Variants in USP33 observed in about 807,000 individuals in gnomAD.
USP33 encodes the protein ubiquitin carboxyl-terminal hydrolase 33.
USP33 carries 46 observed loss-of-function variants against 124.2 expected under a neutral mutation model. The observed-to-expected ratio is 0.37, with a 90% confidence interval of 0.29 to 0.47. The LOEUF (loss-of-function observed/expected upper bound fraction) is 0.47. USP33 is among the 20% of genes least tolerant of loss of function. The pLI is 0.99. For synonymous variants in USP33, 350 were observed against 352.3 expected (o/e 0.99, Z 0.07); for missense variants, 851 against 1,070.6 (o/e 0.79, Z 2.86).
chr1:77,737,977 T>C (rs139657604), intron 5 of USP33, among the ~76,000 whole-genome samples: 1 of 152,204 alleles, frequency 6.6e-6, no homozygotes, highest in Non-Finnish European at 1.5e-5. Context: ...TGTAAGAGGA[T>C]TCAACGAAAC....
At chr1:77,726,275 T>A (rs957385672) in intron 10 of USP33, among the ~76,000 whole-genome samples, 3 of 151,462 alleles carry the variant, frequency 2.0e-5, no homozygotes, top group African/African-American at 7.3e-5. Context: ...AACACACGAC[T>A]ATTACAGGCA....
At chr1:77,730,021 G>A in intron 8 of USP33, 83 bp from the exon 9 acceptor site, 1 of 1,244,882 alleles carries the variant, frequency 8.0e-7, no homozygotes, top group South Asian at 1.4e-5. Context: ...AATTCAAAGT[G>A]TTAAATAAAT....
At chr1:77,758,641 A>T (rs377402537) in intron 1 of USP33, among the ~76,000 whole-genome samples, 1 of 152,318 alleles carries the variant, frequency 6.6e-6, no homozygotes, top group East Asian at 1.9e-4. Flanking sequence ...ATTATGCTCA[A>T]ATCAAATAGC....
At chr1:77,704,484 G>A (rs530628339) in intron 21 of USP33, among the ~76,000 whole-genome samples, 7 of 152,140 alleles carry the variant, frequency 4.6e-5, no homozygotes, top group African/African-American at 4.8e-5. Context: ...TTAGGTAGGC[G>A]CTTTTTAAAA....
At chr1:77,743,989 T>C (rs1312090802) in intron 1 of USP33, among the ~76,000 whole-genome samples, 2 of 151,992 alleles carry the variant, frequency 1.3e-5, no homozygotes, top group African/African-American at 4.8e-5. Context: ...CTGGGCGTGG[T>C]GGTGTGCACC....
chr1:77,736,187 G>C (rs1324524925), intron 5 of USP33, 29 bp from the exon 6 acceptor site: 16 of 1,466,368 alleles, frequency 1.1e-5, no homozygotes, highest in African/African-American at 1.4e-5. Context: ...TAGCACACTT[G>C]AACAAATCCT....
rs1207958128 is a variant in USP33, at chr1:77,701,364, C to T, written c.2509+5G>A. On this transcript the variant is annotated splice_donor_5th_base_variant and intron_variant, in intron 22 of 23. Transcript: ENST00000370794. ...CAAAAAAAAATTTTTCAGTCAACCA[C>T]TTACCTCCATCTTTACCCTTCACAA... 6.3e-7 allele frequency: 1 copy of T among 1,588,038 alleles called. No homozygotes were observed. Among genetic ancestry groups the T allele is most frequent in the African/African-American group, 1.4e-5 (1 of 73,016 alleles).
Position 77,714,723 on chromosome 1 carries a change from C to T in USP33, c.2106G>A (p.Met702Ile). 6.2e-7 allele frequency: 1 copy of T among 1,612,822 alleles called. No homozygotes were observed. The highest frequency in any genetic ancestry group is 1.1e-5 in the South Asian group (1 of 90,998). ...RRRISNLLNI[M>I]EPSLLQFYIS... ...TATAAAACTGAAGGAGGCTTGGTTCCATTATGTTCAATAAATTTGATATCC... is the reference window on the plus strand; with the variant it reads ...TATAAAACTGAAGGAGGCTTGGTTCTATTATGTTCAATAAATTTGATATCC... Residue 702 changes from methionine (M) to isoleucine (I), a missense_variant, in exon 19 of 24, where the codon ATG becomes ATA. Transcript: ENST00000370794.
At chr1:77,733,381 A>G (rs1678065960) in intron 7 of USP33, among the ~76,000 whole-genome samples, 2 of 151,186 alleles carry the variant, frequency 1.3e-5, no homozygotes, top group Non-Finnish European at 2.9e-5. Flanking sequence ...CAACAGAGTG[A>G]GACCCAGCCT....
At chr1:77,706,070 C>A (rs562581813) in intron 21 of USP33, among the ~76,000 whole-genome samples, 44 of 152,256 alleles carry the variant, frequency 2.9e-4, no homozygotes, top group African/African-American at 1.0e-3. Flanking sequence ...ATAGACATTT[C>A]AATTGTTTCC....
intron 21 of USP33, among the ~76,000 whole-genome samples, chr1:77,709,882 T>TACACACACACACACACAC (rs35770178): frequency 2.1e-5 from 3 of 144,792 alleles, no homozygotes; most frequent in African/African-American, 7.6e-5. Flanking sequence ...TGCATACACA[T>TACACACACACACACACAC]ACACACACAC....
intron 8 of USP33, 64 bp from the exon 9 acceptor site, chr1:77,730,002 A>G (rs1677620696): frequency 2.9e-6 from 4 of 1,362,932 alleles, no homozygotes; most frequent in Non-Finnish European, 4.1e-6. Flanking sequence ...TTAAAAATTA[A>G]CTACCAATAA....
chr1:77,714,036 T>C (rs947149330), intron 19 of USP33, among the ~76,000 whole-genome samples: 3 of 152,236 alleles, frequency 2.0e-5, no homozygotes, highest in Admixed American at 6.5e-5. Context: ...TGAAGTTTAA[T>C]TGGCATCACA....
intron 9 of USP33, among the ~76,000 whole-genome samples, chr1:77,729,654 G>A (rs1041450241): frequency 7.2e-5 from 11 of 152,072 alleles, no homozygotes; most frequent in African/African-American, 2.7e-4. Flanking sequence ...CTGGGCGATA[G>A]AGCAAGACTC....
rs773034623 is a variant in USP33 at position 77,741,613 on chromosome 1, T to C, written c.81+4A>G. 1.9e-5 allele frequency: 30 copies of C among 1,580,984 alleles called. No individual in the cohort carries two copies. In the South Asian group the frequency reaches 3.2e-4, roughly 17 times the overall value. On this transcript the variant is annotated splice_donor_region_variant and intron_variant, in intron 2 of 23. Coordinates refer to ENST00000370794, the MANE Select transcript of USP33 (RefSeq NM_201624.3). ...TTTCAAGGAAGAAAAAACCTGTTTCTTACAAGGGATTTTTGTATCAAATCT... is the reference window on the plus strand; with the variant it reads ...TTTCAAGGAAGAAAAAACCTGTTTCCTACAAGGGATTTTTGTATCAAATCT...
chr1:77,704,710 G>A (rs369302085), intron 21 of USP33, among the ~76,000 whole-genome samples: 12 of 152,098 alleles, frequency 7.9e-5, no homozygotes, highest in African/African-American at 2.6e-4. Flanking sequence ...AAATCTTTCC[G>A]CTATATCTTT....
chr1:77,744,182 T>G (rs1679479190), intron 1 of USP33, among the ~76,000 whole-genome samples: 1 of 149,602 alleles, frequency 6.7e-6, no homozygotes, highest in East Asian at 1.9e-4. Context: ...TCCAAAGGAA[T>G]TGTGTTCGGA....
intron 12 of USP33, among the ~76,000 whole-genome samples, chr1:77,722,723 A>G (rs565506983): frequency 6.6e-6 from 1 of 152,342 alleles, no homozygotes; most frequent in South Asian, 2.1e-4. Context: ...TTCTAACACA[A>G]TAATTGAAAT....
chr1:77,701,339 C>CA (rs751999450), intron 22 of USP33, 30 bp downstream of exon 22: 229 of 1,504,304 alleles, frequency 1.5e-4, no homozygotes, highest in African/African-American at 4.2e-4. Context: ...AATAATTTAC[C>CA]AAAAAAAAAT....
Sources: gnomAD v4.1 joint callset for allele counts (sites outside exome capture counted in the v4.1 genomes callset) on GRCh38, gnomAD v4.1.1 for gene constraint, MANE v1.5 for transcripts, NCBI Gene and HGNC (gene_info 2026-07-23, HGNC 2026-07-21) for gene names.